LRP1B: variants seen among roughly 807,000 people sequenced by gnomAD.
LRP1B encodes the protein low-density lipoprotein receptor-related protein 1B.
Under a neutral mutation model 556.6 loss-of-function variants are expected in LRP1B, and 217 were observed. The ratio of observed to expected loss-of-function variants is 0.39; its 90% CI spans 0.35 to 0.44. The LOEUF is 0.44. LRP1B is among the 20% of genes least tolerant of loss of function. The pLI is 1.00. For missense variants in LRP1B, 5,053 were observed against 5,620.8 expected (o/e 0.90, Z 3.23); for synonymous variants, 2,047 against 1,865.8 (o/e 1.10, Z -2.50).
At chr2:141,352,118 A>T (rs1016292852) in intron 3 of LRP1B, among the ~76,000 whole-genome samples, 1 of 151,994 alleles carries the variant, frequency 6.6e-6, no homozygotes, top group Non-Finnish European at 1.5e-5. Context: ...TAGTAAGATT[A>T]GTTTGGATGC....
chr2:141,467,570 C>A (rs577990919), intron 3 of LRP1B, among the ~76,000 whole-genome samples: 1 of 152,032 alleles, frequency 6.6e-6, no homozygotes, highest in African/African-American at 2.4e-5. Context: ...GGCAGATAGA[C>A]GAACTGATGA....
chr2:141,452,689 C>T (rs987948648), intron 3 of LRP1B, among the ~76,000 whole-genome samples: 1 of 152,204 alleles, frequency 6.6e-6, no homozygotes, highest in African/African-American at 2.4e-5. Flanking sequence ...TGTCACTACT[C>T]TAGAATCAAC....
At chr2:141,654,880 G>A (rs1689943607) in intron 2 of LRP1B, among the ~76,000 whole-genome samples, 1 of 152,158 alleles carries the variant, frequency 6.6e-6, no homozygotes, top group African/African-American at 2.4e-5. Flanking sequence ...CGATATTTAT[G>A]ATAAGTTGTC....
In LRP1B at chr2:140,444,567, G is replaced by A. The variant is rs1490410965; in HGVS notation, c.10170C>T (p.Asn3390=). ...NDCGDNSDEL[N]CDTHVCLSGQ... The stretch of plus-strand genomic sequence containing the variant: ...GTTAGGAATTTAATCACCTACCACA[G>A]TTGAGTTCATCAGAATTGTCTCCAC... The change falls in exon 64 of 91, where the codon AAC becomes AAT. Residue 3390 remains asparagine (N), a synonymous_variant. Coordinates refer to ENST00000389484, the MANE Select transcript of LRP1B (RefSeq NM_018557.3). 5 of 1,613,214 alleles carry A rather than the reference G, an allele frequency of 3.1e-6. No individual in the cohort carries two copies. Among genetic ancestry groups the A allele is most frequent in the Non-Finnish European group, 4.2e-6 (5 of 1,179,374 alleles).
chr2:140,699,258 C>A (rs1686544713), intron 41 of LRP1B, among the ~76,000 whole-genome samples: 1 of 151,812 alleles, frequency 6.6e-6, no homozygotes, highest in Non-Finnish European at 1.5e-5. Context: ...TAAGATGAAG[C>A]CTCATGTAAT....
intron 23 of LRP1B, chr2:140,898,821 T>C: frequency 2.0e-6 from 1 of 502,214 alleles, no homozygotes; most frequent in East Asian, 5.5e-5. Context: ...GGCCACCGGA[T>C]GTGGTGGATC....
chr2:141,038,984 C>A (rs1162502435), intron 11 of LRP1B, among the ~76,000 whole-genome samples: 1 of 151,978 alleles, frequency 6.6e-6, no homozygotes. Context: ...CATGGTTTCA[C>A]CTTCCGTGGT....
chr2:140,418,397 G>A (rs139439276), intron 66 of LRP1B, among the ~76,000 whole-genome samples: 3 of 152,248 alleles, frequency 2.0e-5, no homozygotes, highest in South Asian at 4.1e-4. Context: ...CAGTTGAATC[G>A]ACTTTGTCTT....
At chr2:141,497,268 T>G (rs1683541173) in intron 2 of LRP1B, among the ~76,000 whole-genome samples, 1 of 152,012 alleles carries the variant, frequency 6.6e-6, no homozygotes, top group Non-Finnish European at 1.5e-5. Context: ...GAAACTGGCA[T>G]GAAGGACATT....
At chr2:141,944,856 G>T (rs1700908679) in intron 1 of LRP1B, among the ~76,000 whole-genome samples, 1 of 152,020 alleles carries the variant, frequency 6.6e-6, no homozygotes, top group Non-Finnish European at 1.5e-5. Flanking sequence ...AACACACACA[G>T]GTATGTGTAT....
intron 20 of LRP1B, among the ~76,000 whole-genome samples, chr2:140,923,353 T>C (rs1694798174): frequency 6.6e-6 from 1 of 152,054 alleles, no homozygotes; most frequent in Non-Finnish European, 1.5e-5. Flanking sequence ...ACATTAATAG[T>C]CCGATAAAAT....
chr2:141,579,675 T>G (rs2105277145), intron 2 of LRP1B, among the ~76,000 whole-genome samples: 1 of 151,868 alleles, frequency 6.6e-6, no homozygotes. Context: ...TAAATTGTTC[T>G]TTGCTTAAGT....
intron 66 of LRP1B, among the ~76,000 whole-genome samples, chr2:140,421,068 C>T (rs997806320): frequency 6.6e-6 from 1 of 152,034 alleles, no homozygotes; most frequent in Non-Finnish European, 1.5e-5. Flanking sequence ...CCAGCCTGGC[C>T]AACATGGTGA....
At chr2:140,708,186 C>T (rs1574265873) in intron 37 of LRP1B, among the ~76,000 whole-genome samples, 1 of 151,882 alleles carries the variant, frequency 6.6e-6, no homozygotes, top group Admixed American at 6.6e-5. Context: ...AATGTAGGGG[C>T]TTGAACAATG....
rs867015236 is a variant in LRP1B, at chr2:141,141,226, G to A, written c.1013+47195C>T. 9.2e-5 allele frequency among the ~76,000 whole-genome samples: 14 copies of A among 152,158 alleles called. No homozygotes were observed. In the East Asian group the frequency reaches 1.7e-3, roughly 19 times the overall value. ...GGTTAATCGTCGGACAAATCAGATC[G>A]GATTAATAGTTTTTAAAGTAATGCC... On this transcript the variant is annotated intron_variant, in intron 7 of 90. Coordinates refer to ENST00000389484, the MANE Select transcript of LRP1B (RefSeq NM_018557.3).
At chr2:140,531,494 CAAGT>C (rs1690690283) in intron 47 of LRP1B, among the ~76,000 whole-genome samples, 1 of 152,136 alleles carries the variant, frequency 6.6e-6, no homozygotes, top group Non-Finnish European at 1.5e-5. Flanking sequence ...ATAATCTATG[CAAGT>C]GTTTCCCCAA....
At chr2:141,107,476 T>C (rs942118738) in intron 7 of LRP1B, among the ~76,000 whole-genome samples, 1 of 152,100 alleles carries the variant, frequency 6.6e-6, no homozygotes, top group African/African-American at 2.4e-5. Flanking sequence ...TGAAACCCTT[T>C]TTCTACTAAA....
chr2:140,843,067 GTTTTTTTTTTTTTGTTT>G (rs1692161874), intron 29 of LRP1B, among the ~76,000 whole-genome samples: 1 of 10,662 alleles, frequency 9.4e-5, no homozygotes, highest in South Asian at 3.5e-3. Flanking sequence ...TTTTTTTTTT[GTTTTTTTTTTTTTGTTT>G]GTTTTTTTTT....
chr2:141,390,112 T>C (rs1023421045), intron 3 of LRP1B, among the ~76,000 whole-genome samples: 1 of 152,104 alleles, frequency 6.6e-6, no homozygotes, highest in South Asian at 2.1e-4. Context: ...CACTCCAGCC[T>C]GGGGAACAAG....
Sources: allele counts gnomAD v4.1 joint callset (sites outside exome capture counted in the v4.1 genomes callset), GRCh38; gene constraint gnomAD v4.1.1; transcripts MANE v1.5; gene names NCBI Gene and HGNC (gene_info 2026-07-23, HGNC 2026-07-21).